MMP26: variants seen among roughly 807,000 people sequenced by gnomAD.
MMP26 encodes the protein matrix metalloproteinase-26.
MMP26 carries 33 observed loss-of-function variants against 31.0 expected under a neutral mutation model. That is an observed-to-expected ratio of 1.06 (90% CI 0.81 to 1.42). MMP26 has a LOEUF of 1.42. Ranked by LOEUF, MMP26 falls within the 40% of genes most tolerant of loss-of-function variation. The pLI, the probability that MMP26 is intolerant of heterozygous loss-of-function variation, is 0.00. For synonymous variants in MMP26, 122 were observed against 114.9 expected, an observed-to-expected ratio of 1.06 and a Z score of -0.40; for missense variants, 347 against 316.1, an observed-to-expected ratio of 1.10 and a Z score of -0.74.
At chr11:4,972,016 G>A (rs1376955012) in intron 2 of MMP26, among the ~76,000 whole-genome samples, 1 of 152,108 alleles carries the variant, frequency 6.6e-6, no homozygotes, top group African/African-American at 2.4e-5. Context: ...CTCCAACATT[G>A]GGGATTAAAT....
chr11:4,762,407 T>A (rs7125620), intron 1 of MMP26, among the ~76,000 whole-genome samples: 12,760 of 152,168 alleles, frequency 0.084, 1,117 homozygotes, highest in African/African-American at 0.23. Context: ...TTCACAATAT[T>A]TTGATGTAGA....
At chr11:4,869,314 C>T (rs942357661) in intron 2 of MMP26, among the ~76,000 whole-genome samples, 1 of 152,086 alleles carries the variant, frequency 6.6e-6, no homozygotes, top group Non-Finnish European at 1.5e-5. Flanking sequence ...TTACAATCTA[C>T]CCATCTGACA....
intron 2 of MMP26, among the ~76,000 whole-genome samples, chr11:4,958,901 T>A (rs1050740692): frequency 6.6e-6 from 1 of 152,124 alleles, no homozygotes; most frequent in Non-Finnish European, 1.5e-5. Context: ...AATAATAGGA[T>A]AACTAGCAGA....
In MMP26 at chr11:4,776,998, C is replaced by T. The variant is rs145498052; in HGVS notation, c.-145+9657C>T. 2.5e-3 allele frequency among the ~76,000 whole-genome samples: 379 copies of T among 152,092 alleles called. 2 individuals carry two copies. The highest frequency in any genetic ancestry group is 0.024 in the East Asian group (125 of 5,174). ...GCTTACCACACACCAGTTGAATTAC[C>T]CTTGGACAATGGGACTTGTGATATA... On this transcript the variant is annotated intron_variant, in intron 2 of 7. Transcript: ENST00000380390.
chr11:4,817,228 G>A (rs1849434067), intron 2 of MMP26, among the ~76,000 whole-genome samples: 1 of 152,122 alleles, frequency 6.6e-6, no homozygotes, highest in Non-Finnish European at 1.5e-5. Context: ...GGAGAGGGAA[G>A]AGAAGAAGGG....
Position 4,989,780 on chromosome 11 carries a change from C to G in MMP26, c.232C>G (p.His78Asp). ...TGACATGCAGATGCATGCTCTGCTA[C>G]ACCAGCCCCACTGTGGGGTGCCTGA... is the stretch of plus-strand genomic sequence containing the variant. ...LLDMQMHALL[H>D]QPHCGVPDGS... The change falls in exon 4 of 8, where the codon CAC becomes GAC. Residue 78 changes from histidine to aspartate, a missense_variant. By Grantham distance (81) the His-to-Asp change is moderately conservative. Coordinates refer to ENST00000380390, the MANE Select transcript of MMP26 (RefSeq NM_021801.5). 1 of 1,613,904 alleles carries G rather than the reference C, an allele frequency of 6.2e-7. No homozygotes were observed.
chr11:4,897,812 T>G (rs898679429), intron 2 of MMP26, among the ~76,000 whole-genome samples: 7 of 151,694 alleles, frequency 4.6e-5, no homozygotes, highest in Non-Finnish European at 7.4e-5. Flanking sequence ...TTATCCTGTA[T>G]GTAATTATTA....
chr11:4,776,817 A>G (rs1564907191), intron 2 of MMP26, among the ~76,000 whole-genome samples: 1 of 152,108 alleles, frequency 6.6e-6, no homozygotes. Flanking sequence ...GAGTCTTCCC[A>G]GTCATATTTC....
At chr11:4,762,147 A>G (rs1204475377) in intron 1 of MMP26, among the ~76,000 whole-genome samples, 1 of 152,234 alleles carries the variant, frequency 6.6e-6, no homozygotes. Context: ...GATGAATACC[A>G]TGCTTGACAC....
At chr11:4,833,646 G>C (rs57419874) in intron 2 of MMP26, among the ~76,000 whole-genome samples, 29,671 of 152,132 alleles carry the variant, frequency 0.2, 3,233 homozygotes, top group African/African-American at 0.28. Context: ...GAGCTGAAAT[G>C]TGCATTTTAG....
At chr11:4,715,463 T>G (rs1443971722) in intron 1 of MMP26, among the ~76,000 whole-genome samples, 2 of 152,162 alleles carry the variant, frequency 1.3e-5, no homozygotes, top group African/African-American at 2.4e-5. Flanking sequence ...CGTAGTTCGG[T>G]GGATCAAATA....
chr11:4,930,721 A>T (rs577249892), intron 2 of MMP26, among the ~76,000 whole-genome samples: 2 of 152,206 alleles, frequency 1.3e-5, no homozygotes, highest in South Asian at 2.1e-4. Context: ...CTTGTTTACT[A>T]TACTTGCACA....
chr11:4,845,805 A>G (rs1320055869), intron 2 of MMP26, among the ~76,000 whole-genome samples: 1 of 152,202 alleles, frequency 6.6e-6, no homozygotes, highest in Non-Finnish European at 1.5e-5. Flanking sequence ...ACATTTCTCA[A>G]ATGAAGAAAA....
intron 2 of MMP26, chr11:4,863,685 C>T (rs1051197366): frequency 1.3e-5 from 2 of 152,122 alleles, no homozygotes; most frequent in Non-Finnish European, 2.9e-5. Context: ...CATGTAGAGC[C>T]TTTATAAAGA....
chr11:4,738,038 C>A (rs1176070462), intron 1 of MMP26, among the ~76,000 whole-genome samples: 4 of 152,058 alleles, frequency 2.6e-5, no homozygotes, highest in African/African-American at 9.7e-5. Context: ...AAGTGATGCT[C>A]TTGCCTCAGC....
Position 4,811,519 on chromosome 11 carries a change from G to T in MMP26, c.-145+44178G>T, listed in dbSNP as rs567148169. Among the ~76,000 whole-genome samples, 12 of 152,248 alleles carry T rather than the reference G, an allele frequency of 7.9e-5. No homozygotes were observed. In the South Asian group the frequency reaches 2.3e-3, roughly 29 times the overall value. ...GATAATGGCCTCTCATTCCATCCAT[G>T]TTGCTGCAAAATACATGATTTCATT... On this transcript the variant is annotated intron_variant, in intron 2 of 7. Coordinates refer to ENST00000380390, the MANE Select transcript of MMP26 (RefSeq NM_021801.5).
chr11:4,843,169 G>A (rs1849819665), intron 2 of MMP26, among the ~76,000 whole-genome samples: 1 of 152,206 alleles, frequency 6.6e-6, no homozygotes, highest in East Asian at 1.9e-4. Context: ...CAGGTGCATG[G>A]TGCAAGCTAT....
chr11:4,886,445 G>A (rs1423758246), intron 2 of MMP26, among the ~76,000 whole-genome samples: 1 of 151,986 alleles, frequency 6.6e-6, no homozygotes, highest in South Asian at 2.1e-4. Context: ...TGTTAATTCC[G>A]GTAAACATAT....
rs185843246 is a variant in MMP26 at position 4,947,302 on chromosome 11, A to G, written c.-144-40766A>G. The stretch of plus-strand genomic sequence containing the variant: ...GCTTTGGACTATAATCTGTCGTATA[A>G]TACATTGGAAAAATTATTTCTGGAC... On this transcript the variant is annotated intron_variant, in intron 2 of 7. Coordinates refer to ENST00000380390, the MANE Select transcript of MMP26 (RefSeq NM_021801.5). 212 of 393,584 alleles carry G rather than the reference A, an allele frequency of 5.4e-4. 46 individuals are homozygous for G. The highest frequency in any genetic ancestry group is 4.5e-3 in the Middle Eastern group (7 of 1,554). 24.4% of individuals were successfully genotyped at this position (393,584 alleles called of 1,614,324 possible).
Sources: allele counts gnomAD v4.1 joint callset (sites outside exome capture counted in the v4.1 genomes callset), GRCh38; gene constraint gnomAD v4.1.1; transcripts MANE v1.5; gene names NCBI Gene and HGNC (gene_info 2026-07-23, HGNC 2026-07-21).